Variants in SOX9 observed in about 807,000 individuals in gnomAD.
SOX9 encodes the protein transcription factor SOX-9.
A neutral mutation model predicts 44.8 loss-of-function variants in SOX9; 2 were observed. The ratio of observed to expected loss-of-function variants is 0.04; its 90% CI spans 0.02 to 0.14. The LOEUF (loss-of-function observed/expected upper bound fraction) is 0.14, where lower values mean the gene tolerates loss of function less well. SOX9 is among the 10% of genes least tolerant of loss of function. SOX9 has a pLI of 1.00. For synonymous variants in SOX9, 381 were observed against 331.8 expected, an observed-to-expected ratio of 1.15 and a Z score of -1.61; for missense variants, 583 against 728.6, an observed-to-expected ratio of 0.80 and a Z score of 2.30.
At position 72,122,737 on chromosome 17, in the gene SOX9, G is replaced by C. The variant is rs1465795705; in HGVS notation, c.450G>C (p.Glu150Asp). ...CGAGCAGACTTCTGAACGAGAGCGA[G>C]AAGCGGCCCTTCGTGGAGGAGGCGG... ...GKLWRLLNES[E>D]KRPFVEEAER... is the part of the protein sequence containing the mutation. The change falls in exon 2 of 3, where the codon GAG (glutamate) becomes GAC (aspartate). Residue 150 changes from glutamate to aspartate, a missense_variant. Glu to Asp is a conservative substitution (Grantham distance 45). Coordinates refer to ENST00000245479, the MANE Select transcript of SOX9 (RefSeq NM_000346.4). The C allele has an allele frequency of 3.1e-6, 5 of 1,613,950 alleles. No homozygotes were observed. Among genetic ancestry groups the C allele is most frequent in the Non-Finnish European group, 8.5e-7 (1 of 1,180,024 alleles).
rs921279891 is a variant in SOX9, at chr17:72,126,177, T to A, written c.*1790T>A. ...CACTCATAATATGGCATCCTTCAAT[T>A]TCTGTATAAAAGCAGATCTTTTTAA... On this transcript the variant is annotated 3_prime_UTR_variant, in exon 3 of 3. Transcript: ENST00000245479. The A allele has an allele frequency of 1.3e-5, 3 of 232,686 alleles. No homozygotes were observed. Among genetic ancestry groups the A allele is most frequent in the Non-Finnish European group, 8.5e-6 (1 of 117,552 alleles). 14.4% of individuals were successfully genotyped at this position (232,686 alleles called of 1,614,324 possible). A position where few individuals can be genotyped will look rare whatever the true frequency, so the allele number is the denominator to read the frequency against.
rs1296808008 is a variant in SOX9 at position 72,123,617 on chromosome 17, C to A, written c.760C>A (p.Arg254=). The A allele has an allele frequency of 6.2e-7, 1 of 1,613,926 alleles. No individual in the cohort carries two copies. Residue 254 remains arginine (R), a synonymous_variant, in exon 3 of 3, where the codon CGA becomes AGA. Coordinates refer to ENST00000245479, the MANE Select transcript of SOX9 (RefSeq NM_000346.4). This position sits in a 1 kb window ranked among gnomAD's most constrained non-coding sequence, Gnocchi z 6.5. Reference sequence around the variant, plus strand: ...GCAGCCGGGCAAGGCTGACCTGAAGCGAGAGGGGCGCCCCTTGCCAGAGGG... The same window carrying A: ...GCAGCCGGGCAAGGCTGACCTGAAGAGAGAGGGGCGCCCCTTGCCAGAGGG... ...DVQPGKADLK[R]EGRPLPEGGR...
chr17:72,124,233 G>A lies in SOX9; in HGVS notation c.1376G>A (p.Gly459Asp), dbSNP rs1298027378. The A allele has an allele frequency of 4.3e-6, 7 of 1,613,036 alleles. No individual in the cohort carries two copies. Among genetic ancestry groups the A allele is most frequent in the Non-Finnish European group, 5.9e-6 (7 of 1,179,862 alleles). ...TACTACAGCCACGCGGCAGGCCAGG[G>A]CACCGGCCTCTACTCCACCTTCACC... ...SSYYSHAAGQ[G>D]TGLYSTFTYM... The change falls in exon 3 of 3, where the codon GGC (glycine) becomes GAC (aspartate). Residue 459 changes from glycine (G) to aspartate (D), a missense_variant. Gly to Asp is a moderately conservative substitution (Grantham distance 94). Transcript: ENST00000245479. This position sits in a 1 kb window ranked among gnomAD's most constrained non-coding sequence, Gnocchi z 4.6.
rs781713156 is a variant in SOX9, at chr17:72,123,359, T to C, written c.686-184T>C. 1.3e-5 allele frequency among the ~76,000 whole-genome samples: 2 copies of C among 152,204 alleles called. No individual in the cohort carries two copies. The highest frequency in any genetic ancestry group is 2.9e-5 in the Non-Finnish European group (2 of 68,032). On this transcript the variant is annotated intron_variant, in intron 2 of 2. Coordinates refer to ENST00000245479, the MANE Select transcript of SOX9 (RefSeq NM_000346.4). The surrounding 1 kb of genome is among the most constrained non-coding windows in gnomAD (Gnocchi z 6.5). Reference sequence around the variant, plus strand: ...AGACCCTCCCCTGATAAAAGGGGGCTGTCCAGTGTGTACCGGCGGGTTAAT... The same window carrying C: ...AGACCCTCCCCTGATAAAAGGGGGCCGTCCAGTGTGTACCGGCGGGTTAAT...
At position 72,121,353 on chromosome 17, in the gene SOX9, G is replaced by A. The variant is rs1369411839; in HGVS notation, c.-39G>A. The A allele has an allele frequency of 3.8e-6, 6 of 1,594,594 alleles. No homozygotes were observed. Among genetic ancestry groups the A allele is most frequent in the Non-Finnish European group, 5.1e-6 (6 of 1,165,204 alleles). On this transcript the variant is annotated 5_prime_UTR_variant, in exon 1 of 3. Coordinates refer to ENST00000245479, the MANE Select transcript of SOX9 (RefSeq NM_000346.4). The surrounding 1 kb of genome is among the most constrained non-coding windows in gnomAD (Gnocchi z 8.3). Reference sequence around the variant, plus strand: ...AGTCCCCGAGCCGCCGCGGCTTCTCGCCTTTCCCGGCCACCAGCCCCCTGC... The same window carrying A: ...AGTCCCCGAGCCGCCGCGGCTTCTCACCTTTCCCGGCCACCAGCCCCCTGC...
Position 72,123,966 on chromosome 17 carries a change from C to A in SOX9, c.1109C>A (p.Pro370Gln), listed in dbSNP as rs1908199604. ...PQPQAAPPQQ[P>Q]AAPPQQPQAH... Reference sequence around the variant, plus strand: ...CCGCAGGCGGCGCCCCCACAGCAGCCGGCGGCACCCCCGCAGCAGCCACAG... The same window carrying A: ...CCGCAGGCGGCGCCCCCACAGCAGCAGGCGGCACCCCCGCAGCAGCCACAG... The change falls in exon 3 of 3, where the codon CCG (proline) becomes CAG (glutamine). Residue 370 changes from proline to glutamine, a missense_variant. Coordinates refer to ENST00000245479, the MANE Select transcript of SOX9 (RefSeq NM_000346.4). This position sits in a 1 kb window ranked among gnomAD's most constrained non-coding sequence, Gnocchi z 6.5. 1 of 1,473,684 alleles carries A rather than the reference C, an allele frequency of 6.8e-7. No individual in the cohort carries two copies. Among genetic ancestry groups the A allele is most frequent in the Non-Finnish European group, 9.0e-7 (1 of 1,115,226 alleles). The allele number at this position is 1,473,684 out of a possible 1,614,324, so 91.3% of individuals were successfully genotyped here.
Position 72,123,857 on chromosome 17 carries a change from G to C in SOX9, c.1000G>C (p.Val334Leu), listed in dbSNP as rs777735151. ...GGCCACCCCGGCGAGCGCGGGCCAC[G>C]TGTGGATGTCCAAGCAGCAGGCGCC... ...TAATPASAGH[V>L]WMSKQQAPPP... Residue 334 changes from valine (V) to leucine (L), a missense_variant, in exon 3 of 3, where the codon GTG (valine) becomes CTG (leucine). Coordinates refer to ENST00000245479, the MANE Select transcript of SOX9 (RefSeq NM_000346.4). This position sits in a 1 kb window ranked among gnomAD's most constrained non-coding sequence, Gnocchi z 6.5. 6.3e-7 allele frequency: 1 copy of C among 1,582,192 alleles called. No individual in the cohort carries two copies. Among genetic ancestry groups the C allele is most frequent in the Admixed American group, 1.8e-5 (1 of 56,640 alleles).
Position 72,121,060 on chromosome 17 carries a change from A to T in SOX9, c.-332A>T, listed in dbSNP as rs567732984. On this transcript the variant is annotated 5_prime_UTR_variant, in exon 1 of 3. Transcript: ENST00000245479. This position sits in a 1 kb window ranked among gnomAD's most constrained non-coding sequence, Gnocchi z 8.3. Reference sequence around the variant, plus strand: ...GAGCTCGAAACTGACTGGAAACTTCAGTGGCGCGGAGACTCGCCAGTTTCA... The same window carrying T: ...GAGCTCGAAACTGACTGGAAACTTCTGTGGCGCGGAGACTCGCCAGTTTCA... The T allele has an allele frequency of 4.6e-5, 25 of 542,910 alleles. No individual in the cohort carries two copies. In the South Asian group the frequency reaches 6.4e-4, roughly 14 times the overall value. 33.6% of individuals were successfully genotyped at this position (542,910 alleles called of 1,614,324 possible). A position where few individuals can be genotyped will look rare whatever the true frequency, so the allele number is the denominator to read the frequency against.
chr17:72,123,863 A>T lies in SOX9; in HGVS notation c.1006A>T (p.Met336Leu), dbSNP rs1409147937. The T allele has an allele frequency of 6.4e-7, 1 of 1,567,100 alleles. No homozygotes were observed. The highest frequency in any genetic ancestry group is 1.4e-5 in the African/African-American group (1 of 73,714). ...ATPASAGHVW[M>L]SKQQAPPPPP... Reference sequence around the variant, plus strand: ...CCCGGCGAGCGCGGGCCACGTGTGGATGTCCAAGCAGCAGGCGCCGCCGCC... The same window carrying T: ...CCCGGCGAGCGCGGGCCACGTGTGGTTGTCCAAGCAGCAGGCGCCGCCGCC... Residue 336 changes from methionine (M) to leucine (L), a missense_variant, in exon 3 of 3, where the codon ATG becomes TTG. By Grantham distance (15) the Met-to-Leu change is conservative. Transcript: ENST00000245479. The surrounding 1 kb of genome is among the most constrained non-coding windows in gnomAD (Gnocchi z 6.5).
intron 1 of SOX9, 34 bp from the exon 2 acceptor site, chr17:72,122,685 T>C (rs1405668987): frequency 6.2e-7 from 1 of 1,606,986 alleles, no homozygotes; most frequent in Non-Finnish European, 8.5e-7. Context: ...CCTCTCCCTC[T>C]TTTTCTCTGT....
chr17:72,121,947 T>G lies in SOX9; in HGVS notation c.431+125T>G, dbSNP rs534937291. ...GTTGCCGTTCCGGGAGCCGGCGGGA[T>G]GGGGTTGGGAGTGGGAATGGGGTGT... On this transcript the variant is annotated intron_variant, in intron 1 of 2. Transcript: ENST00000245479. This position sits in a 1 kb window ranked among gnomAD's most constrained non-coding sequence, Gnocchi z 8.3. The G allele has an allele frequency of 2.9e-5, 36 of 1,233,880 alleles. No individual in the cohort carries two copies. The South Asian group carries it at 5.3e-4, about 18-fold the overall frequency. The allele number at this position is 1,233,880 out of a possible 1,614,324, so 76.4% of individuals were successfully genotyped here.
Position 72,121,937 on chromosome 17 carries a change from G to A in SOX9, c.431+115G>A. 7.6e-7 allele frequency: 1 copy of A among 1,315,782 alleles called. No homozygotes were observed. The highest frequency in any genetic ancestry group is 2.5e-5 in the East Asian group (1 of 39,374). The allele number at this position is 1,315,782 out of a possible 1,614,324, so 81.5% of individuals were successfully genotyped here. A position where few individuals can be genotyped will look rare whatever the true frequency, so the allele number is the denominator to read the frequency against. On this transcript the variant is annotated intron_variant, in intron 1 of 2. Transcript: ENST00000245479. This position sits in a 1 kb window ranked among gnomAD's most constrained non-coding sequence, Gnocchi z 8.3. ...TCGCCCGGGAGTTGCCGTTCCGGGA[G>A]CCGGCGGGATGGGGTTGGGAGTGGG...
At position 72,121,580 on chromosome 17, in the gene SOX9, G is replaced by A. The variant is rs1295144957; in HGVS notation, c.189G>A (p.Glu63=). Residue 63 remains glutamate, a synonymous_variant, in exon 1 of 3, where the codon GAG becomes GAA. Coordinates refer to ENST00000245479, the MANE Select transcript of SOX9 (RefSeq NM_000346.4). The surrounding 1 kb of genome is among the most constrained non-coding windows in gnomAD (Gnocchi z 8.3). ...AGGGCGAGCCCGATCTGAAGAAGGA[G>A]AGCGAGGAGGACAAGTTCCCCGTGT... The part of the protein sequence containing the change: ...FPKGEPDLKK[E]SEEDKFPVCI... 6.2e-7 allele frequency: 1 copy of A among 1,607,508 alleles called. No homozygotes were observed. The highest frequency in any genetic ancestry group is 1.3e-5 in the African/African-American group (1 of 74,772).
At position 72,121,230 on chromosome 17, in the gene SOX9, C is replaced by T; in HGVS notation, c.-162C>T. 1.5e-6 allele frequency: 1 copy of T among 663,174 alleles called. No individual in the cohort carries two copies. Among genetic ancestry groups the T allele is most frequent in the Non-Finnish European group, 2.6e-6 (1 of 384,384 alleles). The allele number at this position is 663,174 out of a possible 1,614,324, so 41.1% of individuals were successfully genotyped here. A position where few individuals can be genotyped will look rare whatever the true frequency, so the allele number is the denominator to read the frequency against. On this transcript the variant is annotated 5_prime_UTR_variant, in exon 1 of 3. Transcript: ENST00000245479. The surrounding 1 kb of genome is among the most constrained non-coding windows in gnomAD (Gnocchi z 8.3). ...CTGTGAACTGGCCACCCCGCGCCTT[C>T]CTAAGTGCTCGCCGCGGTAGCCGGC...
In SOX9 at chr17:72,124,546, C is replaced by G; in HGVS notation, c.*159C>G. Reference sequence around the variant, plus strand: ...TTCTTCTTCCTTAAAGACATTTAAGCTAAAGGCAACTCGTACCCAAATTTC... The same window carrying G: ...TTCTTCTTCCTTAAAGACATTTAAGGTAAAGGCAACTCGTACCCAAATTTC... On this transcript the variant is annotated 3_prime_UTR_variant, in exon 3 of 3. Transcript: ENST00000245479. The surrounding 1 kb of genome is among the most constrained non-coding windows in gnomAD (Gnocchi z 4.6). 1 of 945,478 alleles carries G rather than the reference C, an allele frequency of 1.1e-6. No homozygotes were observed. Among genetic ancestry groups the G allele is most frequent in the Non-Finnish European group, 1.6e-6 (1 of 617,764 alleles). 58.6% of individuals were successfully genotyped at this position (945,478 alleles called of 1,614,324 possible).
rs1908271730 is a variant in SOX9, at chr17:72,125,930, C to G, written c.*1543C>G. The G allele has an allele frequency of 4.3e-6, 1 of 232,342 alleles. No individual in the cohort carries two copies. Among genetic ancestry groups the G allele is most frequent in the Non-Finnish European group, 8.5e-6 (1 of 117,496 alleles). 14.4% of individuals were successfully genotyped at this position (232,342 alleles called of 1,614,324 possible). On this transcript the variant is annotated 3_prime_UTR_variant, in exon 3 of 3. Coordinates refer to ENST00000245479, the MANE Select transcript of SOX9 (RefSeq NM_000346.4). ...GTGTGGGTGTGTGTGTGTTTTGACA[C>G]AAAAACAATGCAAGCATGTGTCATC...
In SOX9 at chr17:72,123,406, T is replaced by G. The variant is rs1402505002; in HGVS notation, c.686-137T>G. ...TAATCATTGGGCGACTTATCTCCGG[T>G]GCAGCGCGCCTCTTGCGCGGGTGCG... On this transcript the variant is annotated intron_variant, in intron 2 of 2. Coordinates refer to ENST00000245479, the MANE Select transcript of SOX9 (RefSeq NM_000346.4). This position sits in a 1 kb window ranked among gnomAD's most constrained non-coding sequence, Gnocchi z 6.5. 1 of 1,198,440 alleles carries G rather than the reference T, an allele frequency of 8.3e-7. No individual in the cohort carries two copies. The allele number at this position is 1,198,440 out of a possible 1,614,324, so 74.2% of individuals were successfully genotyped here. A position where few individuals can be genotyped will look rare whatever the true frequency, so the allele number is the denominator to read the frequency against.
In SOX9 at chr17:72,125,314, T is replaced by A. The variant is rs1309512171; in HGVS notation, c.*927T>A. On this transcript the variant is annotated 3_prime_UTR_variant, in exon 3 of 3. Coordinates refer to ENST00000245479, the MANE Select transcript of SOX9 (RefSeq NM_000346.4). ...TGCCTTTGCTTGTTCACTGCAGTCT[T>A]AAGAAAGAGGTAAAAGGCAAGCAAA... is the stretch of plus-strand genomic sequence containing the variant. 8.8e-6 allele frequency: 2 copies of A among 227,746 alleles called. No homozygotes were observed. The highest frequency in any genetic ancestry group is 4.4e-5 in the African/African-American group (2 of 44,966). 14.1% of individuals were successfully genotyped at this position (227,746 alleles called of 1,614,324 possible).
Position 72,123,008 on chromosome 17 carries a change from TCC to T in SOX9, c.685+37_685+38del. 1 of 1,606,980 alleles carries T rather than the reference TCC, an allele frequency of 6.2e-7. No individual in the cohort carries two copies. Among genetic ancestry groups the T allele is most frequent in the Non-Finnish European group, 8.5e-7 (1 of 1,179,344 alleles). On this transcript the variant is annotated intron_variant, in intron 2 of 2. Coordinates refer to ENST00000245479, the MANE Select transcript of SOX9 (RefSeq NM_000346.4). This position sits in a 1 kb window ranked among gnomAD's most constrained non-coding sequence, Gnocchi z 6.5. ...CCTCGACCCCACCGGACAAGCTATC[TCC>T]GTCCCGCCTGGCACACCCCCTGCCC...
Sources: gnomAD v4.1 joint callset for allele counts (sites outside exome capture counted in the v4.1 genomes callset) on GRCh38, gnomAD v4.1.1 for gene constraint, Gnocchi (gnomAD v3.1) non-coding constraint, MANE v1.5 for transcripts, NCBI Gene and HGNC (gene_info 2026-07-23, HGNC 2026-07-21) for gene names.